Variants in ZNF536 observed in about 807,000 individuals in gnomAD.
The protein encoded by ZNF536 is zinc finger protein 536.
ZNF536 carries 13 observed loss-of-function variants against 84.5 expected under a neutral mutation model. That is an observed-to-expected ratio of 0.15 (90% CI 0.10 to 0.24). The LOEUF (loss-of-function observed/expected upper bound fraction) is 0.24. ZNF536 is among the 10% of genes least tolerant of loss of function. The probability of loss-of-function intolerance (pLI) is 1.00; values close to 1 mark genes in which losing one functional copy is unlikely to be tolerated. For missense variants in ZNF536, 1,536 were observed against 1,747.5 expected (o/e 0.88, Z 2.16); for synonymous variants, 811 against 742.5 (o/e 1.09, Z -1.50).
chr19:30,347,880 A>G (rs978703518), intron 2 of ZNF536, among the ~76,000 whole-genome samples: 1 of 152,218 alleles, frequency 6.6e-6, no homozygotes, highest in Non-Finnish European at 1.5e-5. Flanking sequence ...AGGGGAGACA[A>G]AGATGGGTGA....
chr19:30,369,206 T>C (rs1281027430), upstream of ZNF536, among the ~76,000 whole-genome samples: 1 of 152,212 alleles, frequency 6.6e-6, no homozygotes, highest in Non-Finnish European at 1.5e-5. Flanking sequence ...GCTATTAAGT[T>C]TTATCAGTTT....
rs146217744 is a variant in ZNF536 at position 30,548,260 on chromosome 19, C to T, written c.2641C>T (p.Pro881Ser). 6.2e-6 allele frequency: 10 copies of T among 1,614,084 alleles called. No homozygotes were observed. In the African/African-American group the frequency reaches 1.2e-4, roughly 19 times the overall value. Reference protein sequence around the residue: ...GQATGMSSEVPSDALKGTDLP... With the variant: ...GQATGMSSEVSSDALKGTDLP... ...GGCCACGGGCATGTCTTCGGAGGTCCCCTCAGATGCTCTGAAAGGCACTGA... is the reference window on the plus strand; with the variant it reads ...GGCCACGGGCATGTCTTCGGAGGTCTCCTCAGATGCTCTGAAAGGCACTGA... The change falls in exon 4 of 5, where the codon CCC becomes TCC. Residue 881 changes from proline (P) to serine (S), a missense_variant. Coordinates refer to ENST00000355537, the MANE Select transcript of ZNF536 (RefSeq NM_014717.3).
At chr19:30,438,587 G>C (rs1040679256) in intron 1 of ZNF536, among the ~76,000 whole-genome samples, 1 of 152,236 alleles carries the variant, frequency 6.6e-6, no homozygotes, top group African/African-American at 2.4e-5. Context: ...TGGTCTGAAA[G>C]GGAAGGCTCA....
At chr19:30,329,819 C>T (rs1360632910) in intron 2 of ZNF536, among the ~76,000 whole-genome samples, 1 of 152,118 alleles carries the variant, frequency 6.6e-6, no homozygotes, top group African/African-American at 2.4e-5. Flanking sequence ...CATAAGTTAA[C>T]TTACTGGGTC....
rs781358054 is a variant in ZNF536, at chr19:30,548,453, C to A, written c.2834C>A (p.Pro945His). Residue 945 changes from proline (P) to histidine (H), a missense_variant, in exon 4 of 5, where the codon CCT (proline) becomes CAT (histidine). Physicochemically the swap from Pro to His is moderately conservative, Grantham distance 77 (BLOSUM62 -2). Around this residue, in one of 8 missense-constraint regions of ZNF536, gnomAD observed 624 missense variants for 603.1 expected, o/e 1.03. Transcript: ENST00000355537. ...AAGGACAAAGCCCTGGCTGACCCCCCTTCCATGAAAGTCCACGGAGTGGAT... is the reference window on the plus strand; with the variant it reads ...AAGGACAAAGCCCTGGCTGACCCCCATTCCATGAAAGTCCACGGAGTGGAT... ...DMKDKALADP[P>H]SMKVHGVDGG... is the part of the protein sequence containing the mutation. The A allele has an allele frequency of 4.5e-5, 73 of 1,614,074 alleles. 1 individual carries two copies. The South Asian group carries it at 7.6e-4, about 17-fold the overall frequency.
At chr19:30,338,912 G>C (rs530760303) in intron 2 of ZNF536, among the ~76,000 whole-genome samples, 1 of 152,312 alleles carries the variant, frequency 6.6e-6, no homozygotes, top group Admixed American at 6.5e-5. Flanking sequence ...CACAGTGCCT[G>C]CTGCAGAAGG....
chr19:30,428,275 C>T (rs953453657), intron 1 of ZNF536, among the ~76,000 whole-genome samples: 8 of 152,168 alleles, frequency 5.3e-5, no homozygotes, highest in Admixed American at 1.3e-4. Flanking sequence ...CAGGAGCAGA[C>T]GCAGGCTTTG....
intron 2 of ZNF536, among the ~76,000 whole-genome samples, chr19:30,494,478 A>G (rs953005322): frequency 1.3e-5 from 2 of 152,182 alleles, no homozygotes; most frequent in Admixed American, 6.5e-5. Flanking sequence ...ACTTAACCAG[A>G]CTTCCAATGT....
chr19:30,633,394 C>T (rs2048958056), intron 1 of ZNF536, among the ~76,000 whole-genome samples: 1 of 152,192 alleles, frequency 6.6e-6, no homozygotes, highest in Admixed American at 6.5e-5. Context: ...CCCATCACCT[C>T]AAATATTTAA....
intron 2 of ZNF536, among the ~76,000 whole-genome samples, chr19:30,466,739 GGGAAGGAAGAAA>G (rs1381427907): frequency 8.2e-6 from 1 of 122,578 alleles, no homozygotes; most frequent in Non-Finnish European, 1.7e-5. Context: ...GAGGGAGGGA[GGGAAGGAAGAAA>G]GGAGGGAAGG....
intron 2 of ZNF536, among the ~76,000 whole-genome samples, chr19:30,315,480 G>A (rs1469865541): frequency 6.6e-6 from 1 of 152,172 alleles, no homozygotes; most frequent in Non-Finnish European, 1.5e-5. Context: ...CTCTGTAGCA[G>A]GGTCTGGTTT....
chr19:30,452,281 C>T (rs1451210016), intron 2 of ZNF536, among the ~76,000 whole-genome samples: 2 of 152,214 alleles, frequency 1.3e-5, no homozygotes, highest in African/African-American at 2.4e-5. Context: ...CTTCTGGCCG[C>T]CCAGATCCCT....
rs1417710723 is a variant in ZNF536, at chr19:30,548,216, C to A, written c.2597C>A (p.Ser866Tyr). 1 of 1,614,220 alleles carries A rather than the reference C, an allele frequency of 6.2e-7. No homozygotes were observed. The highest frequency in any genetic ancestry group is 1.3e-5 in the African/African-American group (1 of 75,066). Residue 866 changes from serine to tyrosine, a missense_variant, in exon 4 of 5, where the codon TCT becomes TAT. This residue lies in a region of ZNF536 where 624 missense variants were observed against 603.1 expected (regional missense o/e 1.03). Coordinates refer to ENST00000355537, the MANE Select transcript of ZNF536 (RefSeq NM_014717.3). ...SQQWTSGVLS[S>Y]GDHSGQATGM... ...CAGTGGACATCAGGGGTTCTCTCCTCTGGAGATCACTCGGGGCAGGCCACG... is the reference window on the plus strand; with the variant it reads ...CAGTGGACATCAGGGGTTCTCTCCTATGGAGATCACTCGGGGCAGGCCACG...
intron 1 of ZNF536, among the ~76,000 whole-genome samples, chr19:30,646,905 G>T (rs1347213433): frequency 6.6e-6 from 1 of 152,114 alleles, no homozygotes; most frequent in Non-Finnish European, 1.5e-5. Flanking sequence ...GGAAATTCCA[G>T]CAGTCAGTCT....
Position 30,452,848 on chromosome 19 carries a change from C to T in ZNF536, c.2170+7116C>T, listed in dbSNP as rs141116746. On this transcript the variant is annotated intron_variant, in intron 2 of 4. Transcript: ENST00000355537. ...GTCTCACCTCCCTTCGTCTTCCTCT[C>T]CTCTGTCGGCATCTGATGGGTGCAT... is the stretch of plus-strand genomic sequence containing the variant. Among the ~76,000 whole-genome samples, 233 of 152,180 alleles carry T rather than the reference C, an allele frequency of 1.5e-3. 3 individuals carry two copies. Among genetic ancestry groups the T allele is most frequent in the African/African-American group, 5.6e-3 (231 of 41,518 alleles).
intron 1 of ZNF536, among the ~76,000 whole-genome samples, chr19:30,431,466 CTG>C (rs1446545721): frequency 6.6e-6 from 1 of 152,206 alleles, no homozygotes; most frequent in African/African-American, 2.4e-5. Context: ...TGATGTGTAT[CTG>C]AGCTTATGTC....
Position 30,494,547 on chromosome 19 carries a change from A to C in ZNF536, c.2171-40300A>C, listed in dbSNP as rs1287192252. 2.0e-5 allele frequency among the ~76,000 whole-genome samples: 3 copies of C among 152,176 alleles called. No individual in the cohort carries two copies. In the East Asian group the frequency reaches 5.8e-4, roughly 29 times the overall value. ...GTGGACTTTGGGCTCAGTTTCTAGT[A>C]CTGGGTCAGCTCTATGGGTGCCCCA... On this transcript the variant is annotated intron_variant, in intron 2 of 4. Coordinates refer to ENST00000355537, the MANE Select transcript of ZNF536 (RefSeq NM_014717.3).
chr19:30,478,948 G>C (rs576094025), intron 2 of ZNF536, among the ~76,000 whole-genome samples: 1 of 152,154 alleles, frequency 6.6e-6, no homozygotes, highest in Non-Finnish European at 1.5e-5. Flanking sequence ...ATTTTTGCCT[G>C]TCTGGGGACC....
At chr19:30,530,022 C>T (rs1045892892) in intron 2 of ZNF536, among the ~76,000 whole-genome samples, 6 of 152,174 alleles carry the variant, frequency 3.9e-5, no homozygotes, top group African/African-American at 1.4e-4. Flanking sequence ...GTGCATTAGG[C>T]AAGAGAGGGC....
Sources: gnomAD v4.1 joint callset for allele counts (sites outside exome capture counted in the v4.1 genomes callset) on GRCh38, gnomAD v4.1.1 for gene constraint, gnomAD v4.1.1 regional missense constraint, MANE v1.5 for transcripts, NCBI Gene and HGNC (gene_info 2026-07-23, HGNC 2026-07-21) for gene names.